The following ALDH9A1 variants were observed in gnomAD, a reference collection of about 807,000 sequenced individuals.
ALDH9A1 encodes 4-trimethylaminobutyraldehyde dehydrogenase.
Under a neutral mutation model 56.6 loss-of-function variants are expected in ALDH9A1, and 42 were observed. The observed-to-expected ratio is 0.74, with a 90% CI of 0.58 to 0.96. The LOEUF is 0.96. ALDH9A1 is among the 40% of genes least tolerant of loss of function. The pLI is 0.00. For missense variants in ALDH9A1, 661 were observed against 651.5 expected (o/e 1.01, Z -0.16); for synonymous variants, 242 against 236.0 (o/e 1.03, Z -0.23).
chr1:165,687,060 C>T (rs1295159496), intron 2 of ALDH9A1, among the ~76,000 whole-genome samples: 2 of 152,010 alleles, frequency 1.3e-5, no homozygotes, highest in African/African-American at 4.8e-5. Context: ...ATGAGATTAA[C>T]AGCAGATAAA....
chr1:165,679,570 A>C lies in ALDH9A1; in HGVS notation c.802T>G (p.Ser268Ala), dbSNP rs925493009. Residue 268 changes from serine (S) to alanine (A), a missense_variant, in exon 6 of 11, where the codon TCA (serine) becomes GCA (alanine). Coordinates refer to ENST00000354775, the MANE Select transcript of ALDH9A1 (RefSeq NM_000696.4). The stretch of plus-strand genomic sequence containing the variant: ...GTAACAGGTTTGATTCCTTTAGCTG[A>C]CATCTCCATGATCTTGCAGAACAAG... ...VPTGMKIMEMSAKGIKPVTLE... is the reference protein window; with the variant it reads ...VPTGMKIMEMAAKGIKPVTLE... 7.4e-6 allele frequency: 12 copies of C among 1,614,070 alleles called. No homozygotes were observed. Among genetic ancestry groups the C allele is most frequent in the Non-Finnish European group, 1.0e-5 (12 of 1,180,042 alleles).
intron 3 of ALDH9A1, 107 bp downstream of exon 3, chr1:165,682,874 G>T: frequency 7.5e-7 from 1 of 1,329,152 alleles, no homozygotes; most frequent in Non-Finnish European, 1.0e-6. Context: ...ACAAACCCAA[G>T]ACTTTCACCC....
rs142536424 is a variant in ALDH9A1, at chr1:165,679,513, T to C, written c.859A>G (p.Ile287Val). 7.2e-5 allele frequency: 117 copies of C among 1,614,038 alleles called. No homozygotes were observed. Among genetic ancestry groups the C allele is most frequent in the Middle Eastern group, 1.6e-4 (1 of 6,082 alleles). Residue 287 changes from isoleucine to valine, a missense_variant, in exon 6 of 11, where the codon ATC (isoleucine) becomes GTC (valine). By Grantham distance (29) the Ile-to-Val change is conservative. Coordinates refer to ENST00000354775, the MANE Select transcript of ALDH9A1 (RefSeq NM_000696.4). Reference sequence around the variant, plus strand: ...TTGTTCATATCACAGTCTGAGAAGATGATGAGTGGAGATTTGCCTCCAAGT... The same window carrying C: ...TTGTTCATATCACAGTCTGAGAAGACGATGAGTGGAGATTTGCCTCCAAGT... ...LELGGKSPLI[I>V]FSDCDMNNAV...
chr1:165,673,698 C>G (rs895974453), intron 6 of ALDH9A1, among the ~76,000 whole-genome samples: 3 of 152,056 alleles, frequency 2.0e-5, no homozygotes, highest in Admixed American at 6.6e-5. Flanking sequence ...TACAAGAGAC[C>G]CTAATAATTA....
chr1:165,671,408 C>T, intron 6 of ALDH9A1: 1 of 460,996 alleles, frequency 2.2e-6, no homozygotes, highest in Non-Finnish European at 4.3e-6. Flanking sequence ...CCAAGAAGGG[C>T]CTGACTCCTT....
chr1:165,676,817 G>A (rs1649376282), intron 6 of ALDH9A1: 2 of 382,218 alleles, frequency 5.2e-6, no homozygotes, highest in East Asian at 8.7e-5. Context: ...CCTCTGGACT[G>A]CAAAATTGTT....
chr1:165,681,212 G>A (rs1300599083), intron 4 of ALDH9A1, among the ~76,000 whole-genome samples: 1 of 152,118 alleles, frequency 6.6e-6, no homozygotes, highest in Non-Finnish European at 1.5e-5. Flanking sequence ...TTTCATCTTG[G>A]TTTCTCTCAT....
chr1:165,671,888 A>T (rs1649189923), intron 6 of ALDH9A1, among the ~76,000 whole-genome samples: 2 of 152,232 alleles, frequency 1.3e-5, no homozygotes, highest in South Asian at 4.1e-4. Flanking sequence ...AATCAAAACC[A>T]CAATGAGATA....
chr1:165,698,378 CGGTTGCT>C lies in ALDH9A1; in HGVS notation c.174_180del (p.Thr60GlufsTer2), dbSNP rs1650165910. 6.3e-7 allele frequency: 1 copy of C among 1,590,318 alleles called. No homozygotes were observed. The highest frequency in any genetic ancestry group is 1.4e-5 in the African/African-American group (1 of 72,982). On this transcript the variant is annotated frameshift_variant and splice_region_variant, in exon 1 of 11. Coordinates refer to ENST00000354775, the MANE Select transcript of ALDH9A1 (RefSeq NM_000696.4). LOFTEE classifies it high-confidence loss of function. ...AGCCTCCCCGGCTCGTTGCAGTTAC[CGGTTGCT>C]GGCTCGAAAGCTTTCTCGGTACCGG...
chr1:165,681,077 A>G (rs1322353684), intron 4 of ALDH9A1, among the ~76,000 whole-genome samples: 1 of 152,180 alleles, frequency 6.6e-6, no homozygotes, highest in African/African-American at 2.4e-5. Flanking sequence ...ACCAGCCCCC[A>G]TGATTCAATT....
chr1:165,665,754 A>G (rs1190267216), intron 9 of ALDH9A1, among the ~76,000 whole-genome samples: 1 of 152,242 alleles, frequency 6.6e-6, no homozygotes, highest in African/African-American at 2.4e-5. Context: ...AAGGACAGAC[A>G]ATAACAAGGG....
chr1:165,680,301 G>A (rs1348326119), intron 5 of ALDH9A1, among the ~76,000 whole-genome samples, 186 bp downstream of exon 5: 1 of 152,090 alleles, frequency 6.6e-6, no homozygotes, highest in African/African-American at 2.4e-5. Context: ...CACCCCATGT[G>A]TACTCCCTTT....
In ALDH9A1 at chr1:165,663,014, C is replaced by T. The variant is rs773836490; in HGVS notation, c.*36G>A. On this transcript the variant is annotated 3_prime_UTR_variant, in exon 11 of 11. Coordinates refer to ENST00000354775, the MANE Select transcript of ALDH9A1 (RefSeq NM_000696.4). Reference sequence around the variant, plus strand: ...AACAGGGCCAATTCACATCATTCCACAGCGTGGCCATGTCAATAGGTTTCA... The same window carrying T: ...AACAGGGCCAATTCACATCATTCCATAGCGTGGCCATGTCAATAGGTTTCA... The T allele has an allele frequency of 2.1e-5, 33 of 1,560,618 alleles. No individual in the cohort carries two copies. The highest frequency in any genetic ancestry group is 1.9e-4 in the South Asian group (17 of 90,008).
intron 2 of ALDH9A1, among the ~76,000 whole-genome samples, chr1:165,684,865 C>A (rs1649659020): frequency 6.6e-6 from 1 of 151,972 alleles, no homozygotes; most frequent in Non-Finnish European, 1.5e-5. Context: ...AGATTTTTTT[C>A]TCTTTTAAAA....
At chr1:165,675,291 A>C (rs1229817705) in intron 6 of ALDH9A1, among the ~76,000 whole-genome samples, 2 of 151,862 alleles carry the variant, frequency 1.3e-5, no homozygotes, top group Non-Finnish European at 2.9e-5. Flanking sequence ...TACATAGTAC[A>C]GATTATGTAG....
Position 165,697,197 on chromosome 1 carries a change from G to C in ALDH9A1, c.181+1181C>G, listed in dbSNP as rs547912548. 1.4e-3 allele frequency among the ~76,000 whole-genome samples: 215 copies of C among 152,332 alleles called. 1 individual carries two copies. The highest frequency in any genetic ancestry group is 7.8e-4 in the Non-Finnish European group (53 of 68,030). On this transcript the variant is annotated intron_variant, in intron 1 of 10. Coordinates refer to ENST00000354775, the MANE Select transcript of ALDH9A1 (RefSeq NM_000696.4). ...AATCCAGTGCCTAGCACAGTGCTTA[G>C]CACACATTAAGCACTGGATTAAAAA...
chr1:165,690,183 TTATGTA>T (rs1558011779), intron 2 of ALDH9A1, among the ~76,000 whole-genome samples: 2 of 148,926 alleles, frequency 1.3e-5, no homozygotes, highest in South Asian at 2.1e-4. Context: ...ATGTGTATAA[TTATGTA>T]TATGTATATT....
In ALDH9A1 at chr1:165,668,971, C is replaced by T; in HGVS notation, c.1162G>A (p.Asp388Asn). 1 of 1,612,000 alleles carries T rather than the reference C, an allele frequency of 6.2e-7. No homozygotes were observed. The highest frequency in any genetic ancestry group is 8.5e-7 in the Non-Finnish European group (1 of 1,178,316). ...LCGGDIYVPE[D>N]PKLKDGYYMR... ...TAATATCCATCCTTTAATTTGGGAT[C>T]TTCAGGTACATATATATCTCCACCA... The change falls in exon 8 of 11, where the codon GAT becomes AAT. Residue 388 changes from aspartate (D) to asparagine (N), a missense_variant. Transcript: ENST00000354775.
intron 6 of ALDH9A1, among the ~76,000 whole-genome samples, chr1:165,670,521 T>C (rs746074357): frequency 2.7e-5 from 4 of 150,732 alleles, no homozygotes; most frequent in Non-Finnish European, 1.5e-5. Flanking sequence ...CTAGACACAA[T>C]TAAAGAAAAA....
Sources: gnomAD v4.1 joint callset for allele counts (sites outside exome capture counted in the v4.1 genomes callset) on GRCh38, gnomAD v4.1.1 for gene constraint, MANE v1.5 for transcripts, NCBI Gene and HGNC (gene_info 2026-07-23, HGNC 2026-07-21) for gene names.